SLC8A1: variants seen among roughly 807,000 people sequenced by gnomAD.
The protein encoded by SLC8A1 is sodium/calcium exchanger 1.
In SLC8A1, 18 loss-of-function variants were observed where a neutral mutation model predicts 68.3. That is an observed-to-expected ratio of 0.26 (90% CI 0.18 to 0.39). The LOEUF (loss-of-function observed/expected upper bound fraction) is 0.39. SLC8A1 is among the 10% of genes least tolerant of loss of function. The pLI is 1.00. For missense variants in SLC8A1, 985 were observed against 1,156.7 expected, an observed-to-expected ratio of 0.85 and a Z score of 2.15; for synonymous variants, 475 against 415.5, an observed-to-expected ratio of 1.14 and a Z score of -1.74.
intron 2 of SLC8A1, among the ~76,000 whole-genome samples, chr2:40,229,551 T>C (rs1342134584): frequency 2.6e-5 from 4 of 152,182 alleles, no homozygotes; most frequent in African/African-American, 7.2e-5. Flanking sequence ...TTGATATTGT[T>C]TGCAAGACTC....
intron 2 of SLC8A1, among the ~76,000 whole-genome samples, chr2:40,307,174 CACAT>C (rs1194087401): frequency 6.7e-6 from 1 of 149,830 alleles, no homozygotes; most frequent in Non-Finnish European, 1.5e-5. Context: ...CACACACAAA[CACAT>C]ACACACACAC....
At chr2:40,180,431 T>C (rs1046031011) in intron 2 of SLC8A1, among the ~76,000 whole-genome samples, 1 of 152,194 alleles carries the variant, frequency 6.6e-6, no homozygotes, top group African/African-American at 2.4e-5. Flanking sequence ...TCTGTCCTCT[T>C]TGTCAACAAA....
intron 1 of SLC8A1, among the ~76,000 whole-genome samples, chr2:40,433,768 T>A (rs1361226765): frequency 2.0e-5 from 3 of 152,162 alleles, no homozygotes; most frequent in Non-Finnish European, 4.4e-5. Flanking sequence ...CTCCATTATA[T>A]CATCCCTGAT....
intron 2 of SLC8A1, among the ~76,000 whole-genome samples, chr2:40,324,089 G>A (rs552604600): frequency 9.0e-4 from 137 of 151,988 alleles, no homozygotes; most frequent in Non-Finnish European, 1.5e-3. Flanking sequence ...TGAAAAATGC[G>A]GCATATAGTC....
At chr2:40,297,020 G>A (rs777951026) in intron 2 of SLC8A1, among the ~76,000 whole-genome samples, 1 of 152,022 alleles carries the variant, frequency 6.6e-6, no homozygotes, top group East Asian at 1.9e-4. Flanking sequence ...TCTGGGTCAT[G>A]TGACTATAAT....
chr2:40,501,426 G>T (rs1706052451), intron 1 of SLC8A1, among the ~76,000 whole-genome samples: 2 of 152,028 alleles, frequency 1.3e-5, no homozygotes, highest in Admixed American at 1.3e-4. Flanking sequence ...CACTTTAAAA[G>T]ACTGACATTT....
intron 2 of SLC8A1, among the ~76,000 whole-genome samples, chr2:40,355,204 T>C (rs759613469): frequency 5.9e-5 from 9 of 152,150 alleles, no homozygotes; most frequent in Non-Finnish European, 1.2e-4. Flanking sequence ...TCTGATACTG[T>C]GATAATGCTG....
chr2:40,158,633 GTC>G (rs1462895778), intron 6 of SLC8A1, among the ~76,000 whole-genome samples: 2 of 152,132 alleles, frequency 1.3e-5, no homozygotes, highest in African/African-American at 4.8e-5. Context: ...GACGCGGCCA[GTC>G]TCTCTGTGAG....
At chr2:40,132,008 G>C (rs964382713) in intron 7 of SLC8A1, among the ~76,000 whole-genome samples, 2 of 151,806 alleles carry the variant, frequency 1.3e-5, no homozygotes, top group African/African-American at 4.8e-5. Context: ...TTTTTTGAAA[G>C]CATGGACTCC....
chr2:40,322,226 C>T (rs942780779), intron 2 of SLC8A1, among the ~76,000 whole-genome samples: 1 of 152,140 alleles, frequency 6.6e-6, no homozygotes, highest in Non-Finnish European at 1.5e-5. Context: ...GGTTCATCAG[C>T]TAAACTTCTT....
intron 2 of SLC8A1, among the ~76,000 whole-genome samples, chr2:40,277,511 G>T (rs1260255716): frequency 6.6e-6 from 1 of 151,962 alleles, no homozygotes; most frequent in African/African-American, 2.4e-5. Context: ...CTGCCCTCCA[G>T]CCTGGGCAAC....
At position 40,175,148 on chromosome 2, in the gene SLC8A1, A is replaced by T. The variant is rs1003406752; in HGVS notation, c.1913-306T>A. ...AATGAGGTCAATGGCCCTAAACAACAATCTTGCTAGCAAGTCAAGAGAAAT... is the reference window on the plus strand; with the variant it reads ...AATGAGGTCAATGGCCCTAAACAACTATCTTGCTAGCAAGTCAAGAGAAAT... On this transcript the variant is annotated intron_variant, in intron 3 of 7. Coordinates refer to ENST00000406785, the Ensembl canonical transcript of SLC8A1. 5.4e-6 allele frequency: 6 copies of T among 1,109,742 alleles called. No homozygotes were observed. The South Asian group carries it at 8.2e-5, about 15-fold the overall frequency. 68.7% of individuals were successfully genotyped at this position (1,109,742 alleles called of 1,614,324 possible). A position where few individuals can be genotyped will look rare whatever the true frequency, so the allele number is the denominator to read the frequency against.
At chr2:40,390,563 G>T (rs1461071476) in intron 2 of SLC8A1, among the ~76,000 whole-genome samples, 2 of 152,058 alleles carry the variant, frequency 1.3e-5, no homozygotes, top group Non-Finnish European at 1.5e-5. Context: ...TGAGGATGAA[G>T]TTCAGCAATC....
intron 7 of SLC8A1, among the ~76,000 whole-genome samples, chr2:40,121,847 C>T (rs1013630932): frequency 6.6e-6 from 1 of 152,066 alleles, no homozygotes; most frequent in African/African-American, 2.4e-5. Flanking sequence ...CAATCCTTTG[C>T]ATTTAAAAGT....
chr2:40,125,733 A>G (rs559038092), intron 7 of SLC8A1, among the ~76,000 whole-genome samples: 1 of 152,150 alleles, frequency 6.6e-6, no homozygotes, highest in African/African-American at 2.4e-5. Flanking sequence ...CTTACTAGAT[A>G]CGTAACTTAT....
At chr2:40,372,900 T>C (rs1171664337) in intron 2 of SLC8A1, among the ~76,000 whole-genome samples, 1 of 152,036 alleles carries the variant, frequency 6.6e-6, no homozygotes, top group Non-Finnish European at 1.5e-5. Flanking sequence ...TACTAGTGAA[T>C]GAATAGAAGA....
intron 6 of SLC8A1, among the ~76,000 whole-genome samples, chr2:40,144,165 G>A (rs993598481): frequency 5.3e-5 from 8 of 152,138 alleles, no homozygotes; most frequent in African/African-American, 1.4e-4. Flanking sequence ...TATATATTCT[G>A]TTTGAATGAG....
intron 2 of SLC8A1, among the ~76,000 whole-genome samples, chr2:40,349,197 C>A (rs2149438660): frequency 6.6e-6 from 1 of 152,114 alleles, no homozygotes; most frequent in East Asian, 1.9e-4. Flanking sequence ...GTGGTATAAG[C>A]CTGTTTTTCC....
chr2:40,174,830 A>G (rs2048184918), exon 4 of SLC8A1: 1 of 1,609,710 alleles, frequency 6.2e-7, no homozygotes, highest in Non-Finnish European at 8.5e-7. Context: ...CATACCTGTT[A>G]TTGTGAAGCC....
Sources: gnomAD v4.1 joint callset for allele counts (sites outside exome capture counted in the v4.1 genomes callset) on GRCh38, gnomAD v4.1.1 for gene constraint, MANE v1.5 for transcripts, NCBI Gene and HGNC (gene_info 2026-07-23, HGNC 2026-07-21) for gene names.